ARHGAP10: variants seen among roughly 807,000 people sequenced by gnomAD.
ARHGAP10 encodes Rho GTPase activating protein 10, also known as rho GTPase-activating protein 10.
A neutral mutation model predicts 108.6 loss-of-function variants in ARHGAP10; 87 were observed. That is an observed-to-expected ratio of 0.80 (90% confidence interval 0.67 to 0.96). The LOEUF (loss-of-function observed/expected upper bound fraction) is 0.96, where lower values mean the gene tolerates loss of function less well. ARHGAP10 is among the 40% of genes least tolerant of loss of function. ARHGAP10 has a pLI of 0.00. For missense variants in ARHGAP10, 939 were observed against 954.5 expected (o/e 0.98, Z 0.21); for synonymous variants, 347 against 341.1 (o/e 1.02, Z -0.19).
chr4:147,927,404 G>A (rs531856413), intron 13 of ARHGAP10, among the ~76,000 whole-genome samples: 3 of 152,292 alleles, frequency 2.0e-5, no homozygotes, highest in East Asian at 1.9e-4. Flanking sequence ...GCAACACCTC[G>A]TGAGGTCTCT....
intron 1 of ARHGAP10, among the ~76,000 whole-genome samples, chr4:147,774,318 G>A (rs1730198259): frequency 6.6e-6 from 1 of 152,110 alleles, no homozygotes; most frequent in African/African-American, 2.4e-5. Flanking sequence ...CCCAGGCTAG[G>A]CAAGCATGAA....
Position 147,735,825 on chromosome 4 carries a change from A to G in ARHGAP10, c.154+3370A>G, listed in dbSNP as rs550527429. Among the ~76,000 whole-genome samples, 4 of 152,296 alleles carry G rather than the reference A, an allele frequency of 2.6e-5. No individual in the cohort carries two copies. The South Asian group carries it at 6.2e-4, about 24-fold the overall frequency. On this transcript the variant is annotated intron_variant, in intron 1 of 22. Transcript: ENST00000336498. ...AAATGGCTTTTTTAGTTTTCTTTTT[A>G]AAGTACTTTCTTTTCTTAAAATAAC...
intron 14 of ARHGAP10, among the ~76,000 whole-genome samples, chr4:147,941,319 G>A (rs557917415): frequency 6.6e-6 from 1 of 152,268 alleles, no homozygotes; most frequent in South Asian, 2.1e-4. Context: ...GTGCTAAGCT[G>A]TCTCAAAATT....
Position 148,046,939 on chromosome 4 carries a change from G to A in ARHGAP10, c.1915G>A (p.Asp639Asn). 1 of 1,614,088 alleles carries A rather than the reference G, an allele frequency of 6.2e-7. No individual in the cohort carries two copies. The highest frequency in any genetic ancestry group is 8.5e-7 in the Non-Finnish European group (1 of 1,180,006). The change falls in exon 20 of 23, where the codon GAC becomes AAC. Residue 639 changes from aspartate (D) to asparagine (N), a missense_variant. Physicochemically the swap from Asp to Asn is conservative, Grantham distance 23 (BLOSUM62 1). Coordinates refer to ENST00000336498, the MANE Select transcript of ARHGAP10 (RefSeq NM_024605.4). ...SKEDTPTSSL[D>N]SLSSPSPVTT... is the part of the protein sequence containing the mutation. ...GGAGGACACCCCTACCAGCAGTCTG[G>A]ACTCACTTTCCTCCCCGTCTCCCGT...
At chr4:148,013,773 A>C (rs2149656371) in intron 18 of ARHGAP10, among the ~76,000 whole-genome samples, 1 of 152,344 alleles carries the variant, frequency 6.6e-6, no homozygotes, top group South Asian at 2.1e-4. Context: ...TTCACGTTGG[A>C]AATTTCATGA....
chr4:148,063,637 C>T (rs984869398), intron 21 of ARHGAP10, among the ~76,000 whole-genome samples: 2 of 152,212 alleles, frequency 1.3e-5, no homozygotes, highest in Admixed American at 6.5e-5. Flanking sequence ...AGTAGGCAAG[C>T]TGGCACTGGA....
intron 18 of ARHGAP10, among the ~76,000 whole-genome samples, chr4:147,972,008 G>A (rs1305866753): frequency 6.6e-6 from 1 of 152,050 alleles, no homozygotes; most frequent in African/African-American, 2.4e-5. Flanking sequence ...TTCAATCCTG[G>A]GACAATATGG....
intron 1 of ARHGAP10, among the ~76,000 whole-genome samples, chr4:147,768,439 T>G (rs1729920360): frequency 6.6e-6 from 1 of 152,174 alleles, no homozygotes; most frequent in African/African-American, 2.4e-5. Flanking sequence ...AACATCAGCT[T>G]AAAGATTTGT....
chr4:147,869,858 T>C (rs1734729401), intron 7 of ARHGAP10, among the ~76,000 whole-genome samples: 1 of 152,176 alleles, frequency 6.6e-6, no homozygotes, highest in South Asian at 2.1e-4. Flanking sequence ...ACTCATTCTG[T>C]ATCATCTGCT....
chr4:147,965,697 G>C (rs2126997691), intron 17 of ARHGAP10, among the ~76,000 whole-genome samples: 1 of 152,288 alleles, frequency 6.6e-6, no homozygotes, highest in Non-Finnish European at 1.5e-5. Context: ...AAGATACTGT[G>C]ATTTGCCAAG....
chr4:147,906,769 T>G lies in ARHGAP10; in HGVS notation c.1116+50T>G, dbSNP rs759783652. On this transcript the variant is annotated intron_variant, in intron 11 of 22. Transcript: ENST00000336498. ...TTATTTCAAAGCCTTTAGAGTTGAC[T>G]TGCATTCATTTTTATGTTATTTTTG... 2.5e-6 allele frequency: 4 copies of G among 1,593,576 alleles called. No individual in the cohort carries two copies. In the Admixed American group the frequency reaches 6.7e-5, roughly 27 times the overall value.
chr4:147,827,718 G>A (rs992324742), intron 3 of ARHGAP10, among the ~76,000 whole-genome samples: 3 of 152,164 alleles, frequency 2.0e-5, no homozygotes, highest in Non-Finnish European at 2.9e-5. Context: ...AAAAGCCACA[G>A]ATTAAGAAAG....
At chr4:148,006,033 A>G (rs1245861396) in intron 18 of ARHGAP10, among the ~76,000 whole-genome samples, 3 of 152,156 alleles carry the variant, frequency 2.0e-5, no homozygotes, top group African/African-American at 7.2e-5. Flanking sequence ...CTTAAACCTG[A>G]GTAGAACTCG....
chr4:147,888,348 G>A (rs2126882129), intron 10 of ARHGAP10, among the ~76,000 whole-genome samples: 1 of 152,286 alleles, frequency 6.6e-6, no homozygotes, highest in South Asian at 2.1e-4. Context: ...CTTCTGGGGT[G>A]TCTAAAAGGC....
At chr4:147,970,819 G>C (rs969055249) in intron 18 of ARHGAP10, among the ~76,000 whole-genome samples, 1 of 152,170 alleles carries the variant, frequency 6.6e-6, no homozygotes, top group African/African-American at 2.4e-5. Flanking sequence ...TGAGCATGGT[G>C]GCTCATGCCT....
chr4:147,907,209 A>G (rs1308793032), intron 11 of ARHGAP10, among the ~76,000 whole-genome samples: 1 of 152,176 alleles, frequency 6.6e-6, no homozygotes, highest in Non-Finnish European at 1.5e-5. Context: ...CTCGGTATTC[A>G]GAGTGCTTTG....
At chr4:147,830,491 A>G (rs531665483) in intron 3 of ARHGAP10, among the ~76,000 whole-genome samples, 1 of 144,656 alleles carries the variant, frequency 6.9e-6, no homozygotes, top group East Asian at 2.0e-4. Context: ...CTTTTTTTTT[A>G]AATGGTCAAA....
chr4:147,978,908 C>CT (rs1181762038), intron 18 of ARHGAP10, among the ~76,000 whole-genome samples: 1 of 151,992 alleles, frequency 6.6e-6, no homozygotes, highest in Non-Finnish European at 1.5e-5. Context: ...TTTAATGGGG[C>CT]TGTTTTTTCT....
intron 13 of ARHGAP10, among the ~76,000 whole-genome samples, chr4:147,932,055 A>G (rs1335106015): frequency 2.0e-5 from 3 of 151,656 alleles, no homozygotes; most frequent in Non-Finnish European, 4.4e-5. Flanking sequence ...CAACAAACAT[A>G]TGAAAAAAAA....
Sources: allele counts gnomAD v4.1 joint callset (sites outside exome capture counted in the v4.1 genomes callset), GRCh38; gene constraint gnomAD v4.1.1; transcripts MANE v1.5; gene names NCBI Gene and HGNC (gene_info 2026-07-23, HGNC 2026-07-21).